Variants in MYO7B observed in about 807,000 individuals in gnomAD.
MYO7B encodes the protein myosin VIIB, also known as unconventional myosin-VIIb.
Under a neutral mutation model 259.7 loss-of-function variants are expected in MYO7B, and 212 were observed. That is an observed-to-expected ratio of 0.82 (90% CI 0.73 to 0.91). The LOEUF (loss-of-function observed/expected upper bound fraction) is 0.91. Among genes scored for constraint, MYO7B ranks in the 40% least tolerant of loss-of-function variants. The pLI, the probability that MYO7B is intolerant of heterozygous loss-of-function variation, is 0.00. For missense variants in MYO7B, 2,732 were observed against 2,813.5 expected, an observed-to-expected ratio of 0.97 and a Z score of 0.66; for synonymous variants, 1,197 against 1,166.4, an observed-to-expected ratio of 1.03 and a Z score of -0.54.
intron 40 of MYO7B, among the ~76,000 whole-genome samples, 152 bp downstream of exon 40, chr2:127,633,515 G>A (rs1681632930): frequency 6.6e-6 from 1 of 152,086 alleles, no homozygotes. Context: ...CTCCCCATGG[G>A]ATGCAGGCCC....
rs949112309 is a variant in MYO7B, at chr2:127,546,175, A to G, written c.-24+10344A>G. Reference sequence around the variant, plus strand: ...AACACTCAGACCCCTTTGGAGGGCAAAGCTTTGTCAGTGCCCCTTCCGGGC... The same window carrying G: ...AACACTCAGACCCCTTTGGAGGGCAGAGCTTTGTCAGTGCCCCTTCCGGGC... On this transcript the variant is annotated intron_variant, in intron 1 of 47. Transcript: ENST00000409816. This position sits in a 1 kb window ranked among gnomAD's most constrained non-coding sequence, Gnocchi z 4.2. Among the ~76,000 whole-genome samples the G allele has an allele frequency of 6.6e-6, 1 of 152,226 alleles. No homozygotes were observed. Among genetic ancestry groups the G allele is most frequent in the African/African-American group, 2.4e-5 (1 of 41,470 alleles).
In MYO7B at chr2:127,631,237, G is replaced by A. The variant is rs112924521; in HGVS notation, c.4969G>A (p.Val1657Met). The A allele has an allele frequency of 7.2e-4, 1,160 of 1,608,854 alleles. 9 individuals carry two copies. The African/African-American group carries it at 0.012, about 16-fold the overall frequency. The change falls in exon 37 of 48, where the codon GTG (valine) becomes ATG (methionine). Residue 1657 changes from valine to methionine, a missense_variant. By Grantham distance (21) the Val-to-Met change is conservative (BLOSUM62 1). Transcript: ENST00000409816. ...AGAGAAGGACATGGTGAGCATGGCCGTGCTGCCCCTGGCCCGTGCCCGTGG... is the reference window on the plus strand; with the variant it reads ...AGAGAAGGACATGGTGAGCATGGCCATGCTGCCCCTGGCCCGTGCCCGTGG... The part of the protein sequence containing the change: ...APEKDMVSMA[V>M]LPLARARGHL...
intron 2 of MYO7B, among the ~76,000 whole-genome samples, chr2:127,561,513 T>G (rs1306032606): frequency 6.6e-6 from 1 of 152,146 alleles, no homozygotes; most frequent in Non-Finnish European, 1.5e-5. Flanking sequence ...CCCACCCGCC[T>G]CGGCCTCCCA....
chr2:127,538,358 T>C (rs1186837923), intron 1 of MYO7B, among the ~76,000 whole-genome samples: 3 of 152,112 alleles, frequency 2.0e-5, no homozygotes, highest in Non-Finnish European at 2.9e-5. Context: ...TAGCCACAAG[T>C]GGCTGTTGAG....
Position 127,623,295 on chromosome 2 carries a change from G to A in MYO7B, c.3739G>A (p.Glu1247Lys). 6.2e-7 allele frequency: 1 copy of A among 1,613,296 alleles called. No homozygotes were observed. The highest frequency in any genetic ancestry group is 8.5e-7 in the Non-Finnish European group (1 of 1,179,694). The change falls in exon 29 of 48, where the codon GAA (glutamate) becomes AAA (lysine). Residue 1247 changes from glutamate (E) to lysine (K), a missense_variant. This residue lies in a region of MYO7B where 1,906 missense variants were observed against 2,026.4 expected (regional missense o/e 0.94). Transcript: ENST00000409816. ...CGTGGACTCAGCCTCCACATCTCGGGAAATGTGCATGCACATCGCTCACAA... is the reference window on the plus strand; with the variant it reads ...CGTGGACTCAGCCTCCACATCTCGGAAAATGTGCATGCACATCGCTCACAA... ...VPVDSASTSREMCMHIAHKQG... is the reference protein window; with the variant it reads ...VPVDSASTSRKMCMHIAHKQG...
chr2:127,636,935 C>T lies in MYO7B; in HGVS notation c.6327+22C>T, dbSNP rs1403492799. ...CCTGGTGAGCTCAGGTTCTTTCTCC[C>T]ATCCAAGATGCATAGGACAGAGCTG... On this transcript the variant is annotated intron_variant, in intron 47 of 47. Transcript: ENST00000409816. This position sits in a 1 kb window ranked among gnomAD's most constrained non-coding sequence, Gnocchi z 4.5. 3 of 1,608,414 alleles carry T rather than the reference C, an allele frequency of 1.9e-6. No homozygotes were observed. Among genetic ancestry groups the T allele is most frequent in the Admixed American group, 1.7e-5 (1 of 60,016 alleles).
rs758797225 is a variant in MYO7B, at chr2:127,609,570, A to G, written c.2879A>G (p.Glu960Gly). Residue 960 changes from glutamate (E) to glycine (G), a missense_variant, in exon 23 of 48, where the codon GAG becomes GGG. Coordinates refer to ENST00000409816, the MANE Select transcript of MYO7B (RefSeq NM_001393586.1). This position sits in a 1 kb window ranked among gnomAD's most constrained non-coding sequence, Gnocchi z 6.9. ...CTGGACACAGTCCCCATGGCGGAGG[A>G]GCCTGAGGAGGATGTGGATGGCCTG... is the stretch of plus-strand genomic sequence containing the variant. ...VDLDTVPMAE[E>G]PEEDVDGLAE... The G allele has an allele frequency of 1.9e-6, 3 of 1,613,834 alleles. No individual in the cohort carries two copies. Among genetic ancestry groups the G allele is most frequent in the Non-Finnish European group, 2.5e-6 (3 of 1,179,876 alleles).
At chr2:127,583,214 AG>A (rs568095173) in intron 12 of MYO7B, among the ~76,000 whole-genome samples, 133 of 152,340 alleles carry the variant, frequency 8.7e-4, no homozygotes, top group African/African-American at 3.1e-3. Context: ...CTGAGGAGCC[AG>A]GGGGCTAGCC....
At position 127,578,168 on chromosome 2, in the gene MYO7B, C is replaced by A. The variant is rs1417478525; in HGVS notation, c.885C>A (p.Ala295=). Residue 295 remains alanine (A), a synonymous_variant, in exon 9 of 48, where the codon GCC becomes GCA. Transcript: ENST00000409816. Reference sequence around the variant, plus strand: ...CTTCCTGTGAGGGGCTCAACGACGCCAAGGACTACGCCCACATCCGCTCGG... The same window carrying A: ...CTTCCTGTGAGGGGCTCAACGACGCAAAGGACTACGCCCACATCCGCTCGG... ...NCTSCEGLND[A]KDYAHIRSAM... is the part of the protein sequence containing the mutation. 1 of 1,613,880 alleles carries A rather than the reference C, an allele frequency of 6.2e-7. No homozygotes were observed. Among genetic ancestry groups the A allele is most frequent in the Admixed American group, 1.7e-5 (1 of 60,022 alleles).
In MYO7B at chr2:127,607,784, G is replaced by C. The variant is rs1254877051; in HGVS notation, c.2643+360G>C. 2.6e-5 allele frequency among the ~76,000 whole-genome samples: 4 copies of C among 152,192 alleles called. No individual in the cohort carries two copies. Among genetic ancestry groups the C allele is most frequent in the Non-Finnish European group, 5.9e-5 (4 of 68,044 alleles). On this transcript the variant is annotated intron_variant, in intron 21 of 47. Coordinates refer to ENST00000409816, the MANE Select transcript of MYO7B (RefSeq NM_001393586.1). The surrounding 1 kb of genome is among the most constrained non-coding windows in gnomAD (Gnocchi z 4.4). The stretch of plus-strand genomic sequence containing the variant: ...CATGGGAGAGGCAGCAGGTCAATGG[G>C]ACAGCCTTAGCCTTGAACCTGGAAG...
rs1223317725 is a variant in MYO7B, at chr2:127,635,763, G to A, written c.5862G>A (p.Arg1954=). 4 of 1,603,010 alleles carry A rather than the reference G, an allele frequency of 2.5e-6. No homozygotes were observed. The South Asian group carries it at 4.5e-5, about 18-fold the overall frequency. The change falls in exon 44 of 48, where the codon CGG becomes CGA. Residue 1954 remains arginine, a synonymous_variant. Coordinates refer to ENST00000409816, the MANE Select transcript of MYO7B (RefSeq NM_001393586.1). ...TGCGCGGATTCCACAAGTGTTCGCG[G>A]GAGGATGCCATCCACCTGGCGGGCC... is the stretch of plus-strand genomic sequence containing the variant. The part of the protein sequence containing the change: ...KYLRGFHKCS[R]EDAIHLAGLI...
chr2:127,582,263 G>C (rs777646687), intron 11 of MYO7B, 41 bp from the exon 12 acceptor site: 1 of 1,606,682 alleles, frequency 6.2e-7, no homozygotes, highest in Admixed American at 1.7e-5. Context: ...CTCCGCCTGA[G>C]CCTCCAAGCC....
At chr2:127,623,815 C>T (rs1680966291) in intron 29 of MYO7B, among the ~76,000 whole-genome samples, 1 of 152,238 alleles carries the variant, frequency 6.6e-6, no homozygotes, top group African/African-American at 2.4e-5. Context: ...ACACACCAGT[C>T]ATCCAACCGA....
intron 19 of MYO7B, 138 bp from the exon 20 acceptor site, chr2:127,605,706 C>T: frequency 1.3e-6 from 1 of 746,158 alleles, no homozygotes. Context: ...TCTGTAACAC[C>T]TTCTGAGAAA....
intron 19 of MYO7B, among the ~76,000 whole-genome samples, chr2:127,596,800 AG>A (rs1426785145): frequency 4.6e-5 from 7 of 152,278 alleles, no homozygotes; most frequent in Non-Finnish European, 1.5e-5. Context: ...AGCCGAATGA[AG>A]GGGCAGCCCC....
intron 39 of MYO7B, 114 bp from the exon 40 acceptor site, chr2:127,633,144 G>A: frequency 2.7e-5 from 21 of 790,322 alleles, no homozygotes; most frequent in Non-Finnish European, 4.1e-5. Context: ...CCCAGTGATG[G>A]TCACTGGGGT....
intron 6 of MYO7B, among the ~76,000 whole-genome samples, chr2:127,570,542 CG>C (rs1678555912): frequency 1.3e-5 from 2 of 152,252 alleles, no homozygotes; most frequent in African/African-American, 4.8e-5. Flanking sequence ...CCCGTGGCCT[CG>C]GCCCCAAGGC....
At chr2:127,570,213 A>G (rs1678538251) in intron 6 of MYO7B, among the ~76,000 whole-genome samples, 1 of 152,120 alleles carries the variant, frequency 6.6e-6, no homozygotes, top group Non-Finnish European at 1.5e-5. Flanking sequence ...GCATGTGTTC[A>G]GTTGCTGGAA....
In MYO7B at chr2:127,629,799, G is replaced by C. The variant is rs369792842; in HGVS notation, c.4779G>C (p.Thr1593=). Residue 1593 remains threonine, a synonymous_variant, in exon 35 of 48, where the codon ACG becomes ACC. Coordinates refer to ENST00000409816, the MANE Select transcript of MYO7B (RefSeq NM_001393586.1). ...TGGCCTGCCTCTACACCATCCCCACGGTCACTAAGCCCTCGGCACAGCTGC... is the reference window on the plus strand; with the variant it reads ...TGGCCTGCCTCTACACCATCCCCACCGTCACTAAGCCCTCGGCACAGCTGC... ...VPMACLYTIP[T]VTKPSAQLLS... 1.9e-6 allele frequency: 3 copies of C among 1,584,288 alleles called. No individual in the cohort carries two copies. The highest frequency in any genetic ancestry group is 2.7e-5 in the African/African-American group (2 of 73,798).
Sources: allele counts gnomAD v4.1 joint callset (sites outside exome capture counted in the v4.1 genomes callset), GRCh38; gene constraint gnomAD v4.1.1; regional missense constraint gnomAD v4.1.1; non-coding constraint Gnocchi (gnomAD v3.1); transcripts MANE v1.5; gene names NCBI Gene and HGNC (gene_info 2026-07-23, HGNC 2026-07-21).